Variants in NR4A1 observed in about 807,000 individuals in gnomAD.
NR4A1 encodes nuclear receptor subfamily 4immunitygroup A member 1.
NR4A1 carries 24 observed loss-of-function variants against 47.5 expected under a neutral mutation model. The ratio of observed to expected loss-of-function variants is 0.50; its 90% confidence interval spans 0.37 to 0.71. The LOEUF (loss-of-function observed/expected upper bound fraction) is 0.71. Ranked by LOEUF, NR4A1 falls within the 30% of genes least tolerant of loss-of-function variation. The pLI is 0.00. For synonymous variants in NR4A1, 353 were observed against 345.7 expected, an observed-to-expected ratio of 1.02 and a Z score of -0.24; for missense variants, 669 against 788.6, an observed-to-expected ratio of 0.85 and a Z score of 1.82.
chr12:52,046,533 C>T (rs143874322), upstream of NR4A1, among the ~76,000 whole-genome samples: 147 of 152,310 alleles, frequency 9.7e-4, no homozygotes, highest in Middle Eastern at 3.4e-3. Context: ...GCTAATCATA[C>T]TTGTGCTCTA....
At chr12:52,032,728 T>G (rs1938153263) in intron 1 of NR4A1, among the ~76,000 whole-genome samples, 1 of 152,162 alleles carries the variant, frequency 6.6e-6, no homozygotes, top group Non-Finnish European at 1.5e-5. Flanking sequence ...CTTCCCCTGC[T>G]CTCCAAGTTG....
chr12:52,047,120 C>T (rs1365833535), upstream of NR4A1, among the ~76,000 whole-genome samples: 1 of 152,176 alleles, frequency 6.6e-6, no homozygotes, highest in Non-Finnish European at 1.5e-5. Context: ...CTCCAGGTCC[C>T]TGTCTCTAGT....
chr12:52,023,411 T>C (rs1478930820), intron 1 of NR4A1, among the ~76,000 whole-genome samples: 1 of 152,162 alleles, frequency 6.6e-6, no homozygotes, highest in Non-Finnish European at 1.5e-5. Context: ...CTCGGGGTTA[T>C]GCTTTGCTGG....
intron 1 of NR4A1, chr12:52,037,797 CGTGATGCAACCCCTTCGAGGGACTGA>C: frequency 1.0e-6 from 1 of 985,412 alleles, no homozygotes; most frequent in Non-Finnish European, 1.2e-6. Flanking sequence ...ACCGATGCTG[CGTGATGCAACCCCTTCGAGGGACTGA>C]GTCAAGAAAC....
chr12:52,055,311 T>C, intron 2 of NR4A1, 107 bp downstream of exon 2: 5 of 1,452,688 alleles, frequency 3.4e-6, no homozygotes, highest in Non-Finnish European at 4.7e-6. Flanking sequence ...AGCTAAGTCC[T>C]GTCCTGCAGG....
intron 4 of NR4A1, 126 bp downstream of exon 4, chr12:52,056,771 G>A (rs927400582): frequency 8.6e-5 from 35 of 407,236 alleles, no homozygotes; most frequent in Non-Finnish European, 1.4e-4. Context: ...AAGAAAGAAA[G>A]AAAAGCGACT....
intron 1 of NR4A1, chr12:52,038,765 G>A: frequency 1.3e-6 from 1 of 764,232 alleles, no homozygotes; most frequent in Non-Finnish European, 2.4e-6. Flanking sequence ...TGGGCAGAAG[G>A]ATGGGCCGAG....
At chr12:52,040,668 T>A (rs995324811) in intron 1 of NR4A1, among the ~76,000 whole-genome samples, 4 of 151,964 alleles carry the variant, frequency 2.6e-5, no homozygotes, top group Non-Finnish European at 5.9e-5. Context: ...GTGCTGACAA[T>A]GTTGTAAGGG....
Position 52,037,677 on chromosome 12 carries a change from G to C in NR4A1, c.-83-4133G>C, listed in dbSNP as rs1050511042. On this transcript the variant is annotated intron_variant, in intron 1 of 7. Transcript: ENST00000360284. ...CCAAGGGTGGGGTTTGGCCCACGAG[G>C]GGCGCTGGAGGTGGCCAGGCCAGAG... 4.3e-5 allele frequency: 42 copies of C among 985,494 alleles called. 1 individual carries two copies. The East Asian group carries it at 3.2e-3, about 75-fold the overall frequency. 61.0% of individuals were successfully genotyped at this position (985,494 alleles called of 1,614,324 possible).
chr12:52,030,871 C>T (rs967574995), intron 1 of NR4A1, among the ~76,000 whole-genome samples: 7 of 152,192 alleles, frequency 4.6e-5, no homozygotes, highest in South Asian at 4.1e-4. Flanking sequence ...GTGCTCCTCT[C>T]GCGCATCCCC....
intron 1 of NR4A1, among the ~76,000 whole-genome samples, chr12:52,031,307 T>C (rs937421134): frequency 1.3e-5 from 2 of 151,108 alleles, no homozygotes; most frequent in Non-Finnish European, 2.9e-5. Context: ...ATTACAGGCA[T>C]GAGCCTCCAG....
intron 1 of NR4A1, among the ~76,000 whole-genome samples, chr12:52,027,928 G>A (rs1285336985): frequency 6.6e-6 from 1 of 152,120 alleles, no homozygotes; most frequent in Non-Finnish European, 1.5e-5. Flanking sequence ...TTGGTCAGGT[G>A]CGGTGGCTCA....
intron 1 of NR4A1, among the ~76,000 whole-genome samples, chr12:52,038,983 A>C (rs1354415558): frequency 6.6e-6 from 1 of 152,194 alleles, no homozygotes; most frequent in Non-Finnish European, 1.5e-5. Flanking sequence ...AGTGGGTGGC[A>C]GGGGGAGCGA....
At chr12:52,052,304 T>TGTGTGTGTGA (rs398019589) in intron 1 of NR4A1, among the ~76,000 whole-genome samples, 10 of 70,592 alleles carry the variant, frequency 1.4e-4, no homozygotes, top group African/African-American at 3.7e-4. Flanking sequence ...TGTGTGTGTG[T>TGTGTGTGTGA]GAGAGAGAGA....
chr12:52,038,637 A>G (rs1473161135), intron 1 of NR4A1: 1 of 725,720 alleles, frequency 1.4e-6, no homozygotes, highest in African/African-American at 1.7e-5. Context: ...GTGAACATTT[A>G]AGATCAGTGA....
At chr12:52,024,699 AAAG>A (rs574525245) in intron 1 of NR4A1, among the ~76,000 whole-genome samples, 39 of 152,306 alleles carry the variant, frequency 2.6e-4, no homozygotes, top group Non-Finnish European at 4.9e-4. Flanking sequence ...CACAAGAAAG[AAAG>A]AAGAAGAAGA....
At chr12:52,034,072 CT>C (rs1433608783) in intron 1 of NR4A1, among the ~76,000 whole-genome samples, 2 of 152,198 alleles carry the variant, frequency 1.3e-5, no homozygotes, top group Non-Finnish European at 2.9e-5. Flanking sequence ...GGTCCTGTGG[CT>C]TACCTTGGCC....
At chr12:52,027,668 T>C (rs1045180179) in intron 1 of NR4A1, among the ~76,000 whole-genome samples, 1 of 152,166 alleles carries the variant, frequency 6.6e-6, no homozygotes, top group South Asian at 2.1e-4. Flanking sequence ...GCAGGTGTCA[T>C]TCCAGGGCTG....
At chr12:52,038,364 G>A (rs762247849) in intron 1 of NR4A1, 1 of 241,444 alleles carries the variant, frequency 4.1e-6, no homozygotes. Context: ...CGCCTGGCAG[G>A]CTCATTCCCT....
Sources: allele counts gnomAD v4.1 joint callset (sites outside exome capture counted in the v4.1 genomes callset), GRCh38; gene constraint gnomAD v4.1.1; transcripts MANE v1.5; gene names NCBI Gene and HGNC (gene_info 2026-07-23, HGNC 2026-07-21).